MTUS2: variants seen among roughly 807,000 people sequenced by gnomAD.
The protein encoded by MTUS2 is microtubule-associated tumor suppressor candidate 2.
A neutral mutation model predicts 114.1 loss-of-function variants in MTUS2; 40 were observed. The ratio of observed to expected loss-of-function variants is 0.35; its 90% CI spans 0.27 to 0.46. The LOEUF (loss-of-function observed/expected upper bound fraction) is 0.46, where lower values mean the gene tolerates loss of function less well. Ranked by LOEUF, MTUS2 falls within the 20% of genes least tolerant of loss-of-function variation. The pLI is 1.00. For missense variants in MTUS2, 1,679 were observed against 1,705.4 expected (o/e 0.98, Z 0.27); for synonymous variants, 688 against 672.0 (o/e 1.02, Z -0.37).
intron 5 of MTUS2, among the ~76,000 whole-genome samples, chr13:29,187,621 C>T (rs1433301086): frequency 6.6e-6 from 1 of 152,142 alleles, no homozygotes; most frequent in Non-Finnish European, 1.5e-5. Flanking sequence ...TGGAACATGG[C>T]AAAATACTTT....
At chr13:29,232,296 ACGCGCGCGCGC>A (rs1896358092) in intron 5 of MTUS2, among the ~76,000 whole-genome samples, 1 of 148,546 alleles carries the variant, frequency 6.7e-6, no homozygotes, top group African/African-American at 2.5e-5. Context: ...ACACACACAC[ACGCGCGCGCGC>A]ACACACACAC....
chr13:28,856,933 G>A (rs1318980592), intron 2 of MTUS2, among the ~76,000 whole-genome samples: 1 of 120,984 alleles, frequency 8.3e-6, no homozygotes, highest in Non-Finnish European at 1.7e-5. Flanking sequence ...TGCAGAGAGA[G>A]ACTCCTGTCA....
chr13:29,253,577 A>C (rs1897198489), intron 5 of MTUS2, among the ~76,000 whole-genome samples: 1 of 152,096 alleles, frequency 6.6e-6, no homozygotes, highest in South Asian at 2.1e-4. Context: ...TTATTTGACA[A>C]ATTTTATTGA....
intron 2 of MTUS2, among the ~76,000 whole-genome samples, chr13:28,884,883 A>G (rs1878502237): frequency 6.6e-6 from 1 of 152,196 alleles, no homozygotes; most frequent in South Asian, 2.1e-4. Flanking sequence ...GGTATACAGG[A>G]AACAGAAAAA....
At chr13:29,312,962 A>G (rs1593291290) in intron 6 of MTUS2, among the ~76,000 whole-genome samples, 1 of 152,232 alleles carries the variant, frequency 6.6e-6, no homozygotes, top group East Asian at 1.9e-4. Flanking sequence ...CTCAAGGTTC[A>G]TGTTATTTTC....
rs564597772 is a variant in MTUS2, at chr13:29,307,768, A to G, written c.2807-16845A>G. ...CAGGGTGATGGACCTCATGGCCCAC[A>G]TGTCCTCCAAGGAGTAAGACCCCCA... On this transcript the variant is annotated intron_variant, in intron 6 of 15. Coordinates refer to ENST00000612955, the MANE Select transcript of MTUS2 (RefSeq NM_001033602.4). The G allele has an allele frequency of 3.2e-4, 336 of 1,046,176 alleles. 4 individuals are homozygous for G. The highest frequency in any genetic ancestry group is 3.1e-3 in the South Asian group (247 of 80,312). 64.8% of individuals were successfully genotyped at this position (1,046,176 alleles called of 1,614,324 possible). A position where few individuals can be genotyped will look rare whatever the true frequency, so the allele number is the denominator to read the frequency against.
At chr13:28,998,190 C>A (rs1040950315) in intron 2 of MTUS2, among the ~76,000 whole-genome samples, 2 of 152,114 alleles carry the variant, frequency 1.3e-5, no homozygotes, top group Non-Finnish European at 2.9e-5. Context: ...GTTGAAAATT[C>A]TTTTCTTTAG....
At chr13:28,918,659 A>AT (rs1880878881) in intron 2 of MTUS2, among the ~76,000 whole-genome samples, 1 of 151,796 alleles carries the variant, frequency 6.6e-6, no homozygotes, top group African/African-American at 2.4e-5. Context: ...GGAGGGTTTC[A>AT]TTTACTGACA....
rs1259834120 is a variant in MTUS2 at position 29,025,123 on chromosome 13, C to T, written c.425C>T (p.Ala142Val). The change falls in exon 3 of 16, where the codon GCC becomes GTC. Residue 142 changes from alanine to valine, a missense_variant. Transcript: ENST00000612955. ...LSSWRNVMSEASLDVLAKRDA... is the reference protein window; with the variant it reads ...LSSWRNVMSEVSLDVLAKRDA... Reference sequence around the variant, plus strand: ...AGTTGGAGGAATGTGATGAGTGAGGCCAGTCTAGACGTTTTGGCTAAAAGG... The same window carrying T: ...AGTTGGAGGAATGTGATGAGTGAGGTCAGTCTAGACGTTTTGGCTAAAAGG... 1.4e-5 allele frequency: 22 copies of T among 1,613,908 alleles called. No individual in the cohort carries two copies. The highest frequency in any genetic ancestry group is 1.7e-5 in the Non-Finnish European group (20 of 1,179,862).
At chr13:29,121,357 C>T (rs1321471984) in intron 5 of MTUS2, among the ~76,000 whole-genome samples, 2 of 151,922 alleles carry the variant, frequency 1.3e-5, no homozygotes, top group Non-Finnish European at 2.9e-5. Flanking sequence ...AAGATCTGGG[C>T]GTTAAAGAGC....
At chr13:29,184,806 T>C (rs1894154120) in intron 5 of MTUS2, among the ~76,000 whole-genome samples, 1 of 152,160 alleles carries the variant, frequency 6.6e-6, no homozygotes, top group African/African-American at 2.4e-5. Flanking sequence ...ATTTTCAAAA[T>C]GCCAATTTAT....
intron 2 of MTUS2, among the ~76,000 whole-genome samples, chr13:28,975,250 T>C (rs759774311): frequency 2.6e-5 from 4 of 152,032 alleles, no homozygotes; most frequent in Non-Finnish European, 5.9e-5. Context: ...CAAAGTCTTA[T>C]TTTAAGTCTC....
intron 11 of MTUS2, among the ~76,000 whole-genome samples, chr13:29,489,114 G>A (rs1018687619): frequency 1.3e-5 from 2 of 152,000 alleles, no homozygotes; most frequent in African/African-American, 2.4e-5. Flanking sequence ...GCAAAACCCC[G>A]TCTCTACCAA....
At chr13:29,073,545 G>A (rs1370125754) in intron 4 of MTUS2, among the ~76,000 whole-genome samples, 1 of 151,110 alleles carries the variant, frequency 6.6e-6, no homozygotes, top group Non-Finnish European at 1.5e-5. Flanking sequence ...GTGTGTGTGT[G>A]TTTGGGGGTG....
chr13:28,825,161 G>T (rs1472293414), intron 1 of MTUS2, among the ~76,000 whole-genome samples: 1 of 152,158 alleles, frequency 6.6e-6, no homozygotes, highest in Non-Finnish European at 1.5e-5. Context: ...GGCCTTAGTG[G>T]TATGGTGGCT....
chr13:29,240,406 C>T (rs2139393177), intron 5 of MTUS2, among the ~76,000 whole-genome samples: 1 of 152,310 alleles, frequency 6.6e-6, no homozygotes, highest in African/African-American at 2.4e-5. Flanking sequence ...AGATGTGATG[C>T]TGTAGAAACC....
chr13:29,224,197 A>G (rs1365211956), intron 5 of MTUS2, among the ~76,000 whole-genome samples: 1 of 152,250 alleles, frequency 6.6e-6, no homozygotes, highest in African/African-American at 2.4e-5. Flanking sequence ...GTTTCTGGCC[A>G]GAAAAGTGAC....
intron 6 of MTUS2, among the ~76,000 whole-genome samples, chr13:29,323,274 G>A (rs941085478): frequency 6.7e-6 from 1 of 150,242 alleles, no homozygotes; most frequent in Non-Finnish European, 1.5e-5. Context: ...TTTTGAGACA[G>A]AGTATCACTC....
intron 2 of MTUS2, among the ~76,000 whole-genome samples, chr13:28,947,461 C>T (rs1188276875): frequency 6.6e-6 from 1 of 152,030 alleles, no homozygotes; most frequent in Non-Finnish European, 1.5e-5. Context: ...TGTATTAATA[C>T]CTCAATATGT....
Sources: allele counts gnomAD v4.1 joint callset (sites outside exome capture counted in the v4.1 genomes callset), GRCh38; gene constraint gnomAD v4.1.1; transcripts MANE v1.5; gene names NCBI Gene and HGNC (gene_info 2026-07-23, HGNC 2026-07-21).